The following NBPF12 variants were observed in gnomAD, a reference collection of about 807,000 sequenced individuals.
The protein encoded by NBPF12 is NBPF family member NBPF12.
A neutral mutation model predicts 146.4 loss-of-function variants in NBPF12; 115 were observed. That is an observed-to-expected ratio of 0.79 (90% confidence interval 0.68 to 0.92). The LOEUF is 0.92. Among genes scored for constraint, NBPF12 ranks in the 40% least tolerant of loss-of-function variants. NBPF12 has a pLI of 0.00. For missense variants in NBPF12, 1,205 were observed against 1,326.8 expected, an observed-to-expected ratio of 0.91 and a Z score of 1.43; for synonymous variants, 385 against 508.9, an observed-to-expected ratio of 0.76 and a Z score of 3.28.
At chr1:146,966,615 A>G in exon 9 of NBPF12, 2 of 1,505,244 alleles carry the variant, frequency 1.3e-6, no homozygotes, top group African/African-American at 1.4e-5. Context: ...GAAGCCTCAA[A>G]GAGAAATGTT....
chr1:146,977,181 G>T (rs1452907630), intron 17 of NBPF12, among the ~76,000 whole-genome samples, 180 bp downstream of exon 20: 1 of 146,436 alleles, frequency 6.8e-6, no homozygotes, highest in Non-Finnish European at 1.5e-5. Flanking sequence ...TATGTGTGCC[G>T]AGTGTCATGT....
intron 11 of NBPF12, among the ~76,000 whole-genome samples, chr1:146,970,120 G>A (rs1399460048): frequency 5.3e-5 from 8 of 150,624 alleles, no homozygotes; most frequent in South Asian, 2.1e-4. Flanking sequence ...GTTGGGGAAG[G>A]CACTTGATGT....
At chr1:146,975,318 G>A (rs1175333720) in intron 15 of NBPF12, among the ~76,000 whole-genome samples, 1 of 132,086 alleles carries the variant, frequency 7.6e-6, no homozygotes, top group Non-Finnish European at 1.6e-5. Context: ...ACATGGCTTT[G>A]TATCTAATGG....
upstream of NBPF12, among the ~76,000 whole-genome samples, chr1:146,945,635 T>A (rs1168254055): frequency 3.3e-5 from 5 of 150,546 alleles, no homozygotes; most frequent in African/African-American, 1.2e-4. Context: ...AAGTAATAGA[T>A]GTTATTTTTT....
intron 4 of NBPF12, among the ~76,000 whole-genome samples, chr1:146,961,715 T>G (rs1261179032): frequency 2.0e-5 from 3 of 151,980 alleles, no homozygotes; most frequent in Non-Finnish European, 4.4e-5. Context: ...TTTAAAGTCC[T>G]TGACATATTT....
At chr1:146,941,332 G>T (rs1171089801) in intron 1 of NBPF12, among the ~76,000 whole-genome samples, 1 of 151,950 alleles carries the variant, frequency 6.6e-6, no homozygotes, top group Non-Finnish European at 1.5e-5. Context: ...TGATACACCT[G>T]CCTCGGCCTC....
chr1:146,995,732 T>C (rs1168181046), exon 34 of NBPF12: 3 of 150,390 alleles, frequency 2.0e-5, no homozygotes, highest in Non-Finnish European at 2.9e-5. Context: ...GAAGGTCTAG[T>C]TTGTCCATCA....
rs1329365948 is a variant in NBPF12 at position 146,969,869 on chromosome 1, C to A, written c.1306+273C>A. ...CTAGTTTTAAAGGACAGGAAGGAGG[C>A]TGTGATGGGAGGGCGCTTGTTGGAG... On this transcript the variant is annotated intron_variant, in intron 11 of 33. Transcript: ENST00000617844. Among the ~76,000 whole-genome samples, 4 of 150,868 alleles carry A rather than the reference C, an allele frequency of 2.7e-5. 1 individual carries two copies. The highest frequency in any genetic ancestry group is 5.9e-5 in the Non-Finnish European group (4 of 67,934).
intron 9 of NBPF12, among the ~76,000 whole-genome samples, chr1:146,967,084 G>A (rs1394430166): frequency 0.028 from 4,177 of 150,650 alleles, 223 homozygotes; most frequent in African/African-American, 0.097. Context: ...GGCCCAATAC[G>A]CAAAGCTCTG....
At chr1:146,939,238 TC>T in intron 1 of NBPF12, among the ~76,000 whole-genome samples, 1 of 152,136 alleles carries the variant, frequency 6.6e-6, no homozygotes, top group East Asian at 1.9e-4. Flanking sequence ...TTCTGTGGCA[TC>T]CCAGGGGGTG....
intron 2 of NBPF12, 136 bp downstream of exon 2, chr1:146,943,698 A>G (rs1360529419): frequency 5.3e-6 from 3 of 569,954 alleles, no homozygotes; most frequent in Non-Finnish European, 7.2e-6. Context: ...TATTAAATAA[A>G]TATTTGTTAA....
At chr1:146,976,526 G>GA (rs1657036900) in intron 16 of NBPF12, among the ~76,000 whole-genome samples, 13 of 110,256 alleles carry the variant, frequency 1.2e-4, no homozygotes. Flanking sequence ...ATCTTCTAAT[G>GA]CATAGAGGAC....
intron 13 of NBPF12, among the ~76,000 whole-genome samples, chr1:146,971,787 TAAG>T (rs1323535422): frequency 1.3e-5 from 2 of 150,722 alleles, no homozygotes; most frequent in East Asian, 1.9e-4. Flanking sequence ...TAGCTATTAA[TAAG>T]AAGTCTTGGC....
exon 34 of NBPF12, chr1:146,995,082 C>G (rs1298711552): frequency 6.4e-6 from 1 of 156,838 alleles, no homozygotes; most frequent in Non-Finnish European, 1.3e-5. Flanking sequence ...CTGCTCTTGA[C>G]AATTGTTAAC....
At chr1:146,961,536 T>C (rs1486265919) in intron 4 of NBPF12, among the ~76,000 whole-genome samples, 1 of 152,190 alleles carries the variant, frequency 6.6e-6, no homozygotes, top group South Asian at 2.1e-4. Flanking sequence ...ACTAATCTTA[T>C]ACTGTTTCTA....
At chr1:146,948,290 A>T (rs1297507615), upstream of NBPF12, among the ~76,000 whole-genome samples, 1 of 152,060 alleles carries the variant, frequency 6.6e-6, no homozygotes, top group South Asian at 2.1e-4. Flanking sequence ...GATTACAGAT[A>T]TGAGCCACGG....
chr1:146,977,962 G>C (rs1295759179), intron 18 of NBPF12, among the ~76,000 whole-genome samples: 12 of 152,024 alleles, frequency 7.9e-5, no homozygotes, highest in African/African-American at 2.2e-4. Flanking sequence ...AGTATCTCTT[G>C]TCATCTGTGA....
rs1214452089 is a variant in NBPF12 at position 146,965,112 on chromosome 1, C to T, written c.778+8C>T. The T allele has an allele frequency of 3.1e-5, 48 of 1,539,138 alleles. 2 individuals are homozygous for T. The South Asian group carries it at 4.0e-4, about 13-fold the overall frequency. Reference sequence around the variant, plus strand: ...CTCTAAACATTCTCCCAGGTAGCCTCTATTTTCCTTGTGTCTCATACCTCT... The same window carrying T: ...CTCTAAACATTCTCCCAGGTAGCCTTTATTTTCCTTGTGTCTCATACCTCT... On this transcript the variant is annotated splice_region_variant and intron_variant, in intron 8 of 33. Transcript: ENST00000617844.
In NBPF12 at chr1:146,961,080, G is replaced by A. The variant is rs1422704244; in HGVS notation, c.175+762G>A. ...AGAAGCCTTTGAACCCAGCAGGCAGGTGTTGCAGTGAGCCAAGATTGCACT... is the reference window on the plus strand; with the variant it reads ...AGAAGCCTTTGAACCCAGCAGGCAGATGTTGCAGTGAGCCAAGATTGCACT... On this transcript the variant is annotated intron_variant, in intron 4 of 33. Coordinates refer to ENST00000617844, the Ensembl canonical transcript of NBPF12. Among the ~76,000 whole-genome samples, 12 of 152,048 alleles carry A rather than the reference G, an allele frequency of 7.9e-5. 1 individual carries two copies. Among genetic ancestry groups the A allele is most frequent in the African/African-American group, 2.2e-4 (9 of 41,350 alleles).
Sources: allele counts gnomAD v4.1 joint callset (sites outside exome capture counted in the v4.1 genomes callset), GRCh38; gene constraint gnomAD v4.1.1; transcripts MANE v1.5; gene names NCBI Gene and HGNC (gene_info 2026-07-23, HGNC 2026-07-21).